TPO: variants seen among roughly 807,000 people sequenced by gnomAD.
TPO encodes the protein thyroid microsomal antigen.
In TPO, 78 loss-of-function variants were observed where a neutral mutation model predicts 96.9. The ratio of observed to expected loss-of-function variants is 0.81; its 90% CI spans 0.67 to 0.97. The LOEUF (loss-of-function observed/expected upper bound fraction) is 0.97. TPO is among the 50% of genes least tolerant of loss of function. The pLI, the probability that TPO is intolerant of heterozygous loss-of-function variation, is 0.00. For synonymous variants in TPO, 547 were observed against 538.0 expected (o/e 1.02, Z -0.23); for missense variants, 1,252 against 1,274.8 (o/e 0.98, Z 0.27).
At chr2:1,444,484 A>G (rs1666558952) in intron 5 of TPO, among the ~76,000 whole-genome samples, 2 of 118,654 alleles carry the variant, frequency 1.7e-5, no homozygotes, top group Non-Finnish European at 3.5e-5. Flanking sequence ...TGCAGGAGGT[A>G]CTGTGTTGGA....
At chr2:1,510,159 A>G (rs1279964791) in intron 14 of TPO, among the ~76,000 whole-genome samples, 2 of 150,662 alleles carry the variant, frequency 1.3e-5, no homozygotes, top group East Asian at 2.0e-4. Context: ...CAGCTCTTGC[A>G]TTCAGATTTT....
At chr2:1,434,236 A>T (rs1226355237) in intron 4 of TPO, among the ~76,000 whole-genome samples, 3 of 152,242 alleles carry the variant, frequency 2.0e-5, no homozygotes, top group African/African-American at 7.2e-5. Context: ...GCTTCCTATG[A>T]TGCAGAGCAA....
At chr2:1,526,708 AC>A (rs1361833087) in intron 15 of TPO, among the ~76,000 whole-genome samples, 1 of 50,810 alleles carries the variant, frequency 2.0e-5, no homozygotes, top group Non-Finnish European at 3.6e-5. Context: ...ACTGTATGCA[AC>A]CTCCCCAAAT....
chr2:1,456,312 T>C, intron 7 of TPO, 30 bp downstream of exon 7: 1 of 1,608,296 alleles, frequency 6.2e-7, no homozygotes, highest in Non-Finnish European at 8.5e-7. Flanking sequence ...TCTATGTTTG[T>C]TATGAAACTA....
At chr2:1,408,295 A>G (rs1392248230) in intron 1 of TPO, among the ~76,000 whole-genome samples, 1 of 152,216 alleles carries the variant, frequency 6.6e-6, no homozygotes, top group African/African-American at 2.4e-5. Flanking sequence ...CAGAGCTCTC[A>G]GGTCACTACT....
chr2:1,517,588 C>T (rs1674840094), intron 15 of TPO, among the ~76,000 whole-genome samples: 4 of 148,138 alleles, frequency 2.7e-5, no homozygotes, highest in South Asian at 2.3e-4. Flanking sequence ...TGCTGCCTCT[C>T]ACCTTGCTGC....
rs1180772602 is a variant in TPO, at chr2:1,423,135, C to T, written c.179+6C>T. 6.2e-7 allele frequency: 1 copy of T among 1,613,214 alleles called. No homozygotes were observed. Among genetic ancestry groups the T allele is most frequent in the East Asian group, 2.2e-5 (1 of 44,894 alleles). On this transcript the variant is annotated splice_donor_region_variant and intron_variant, in intron 3 of 16. Transcript: ENST00000329066. ...ATGTACGCCACGATGCAGAGGTGAG[C>T]CTTGCGGAGGGGCCGCCGCCCCAAA...
At chr2:1,391,026 T>C (rs891063650) in intron 1 of TPO, among the ~76,000 whole-genome samples, 1 of 152,204 alleles carries the variant, frequency 6.6e-6, no homozygotes, top group Non-Finnish European at 1.5e-5. Flanking sequence ...CAGAAGCTCT[T>C]TAGTTTAATT....
intron 5 of TPO, among the ~76,000 whole-genome samples, chr2:1,443,733 T>C (rs1222727785): frequency 1.1e-5 from 1 of 93,802 alleles, no homozygotes; most frequent in Non-Finnish European, 2.1e-5. Flanking sequence ...GATCCAGTCA[T>C]TGCTGCGGGA....
At chr2:1,509,637 C>T (rs1558383430) in intron 14 of TPO, among the ~76,000 whole-genome samples, 4 of 150,074 alleles carry the variant, frequency 2.7e-5, no homozygotes, top group Non-Finnish European at 1.5e-5. Context: ...ACACCCCACC[C>T]TCTTCTTTCA....
rs1371366709 is a variant in TPO at position 1,531,788 on chromosome 2, C to A, written c.2619-8806C>A. 6.7e-5 allele frequency among the ~76,000 whole-genome samples: 3 copies of A among 44,912 alleles called. No individual in the cohort carries two copies. The East Asian group carries it at 2.4e-3, about 36-fold the overall frequency. 29.5% of individuals were successfully genotyped at this position (44,912 alleles called of 152,430 possible). On this transcript the variant is annotated intron_variant, in intron 15 of 16. Coordinates refer to ENST00000329066, the MANE Select transcript of TPO (RefSeq NM_001206744.2). ...CCCAAATCACCCCCACTCTCTGCAA[C>A]CTCCCCAAATCACCCCCACTCTCTG... is the stretch of plus-strand genomic sequence containing the variant.
Position 1,496,772 on chromosome 2 carries a change from C to G in TPO, c.2386+7C>G. Reference sequence around the variant, plus strand: ...CAGCCTCCCCTCTGCAAAGGTCAGTCCTTTCTTCAATGACAATTACAAAAC... The same window carrying G: ...CAGCCTCCCCTCTGCAAAGGTCAGTGCTTTCTTCAATGACAATTACAAAAC... On this transcript the variant is annotated splice_region_variant and intron_variant, in intron 13 of 16. Coordinates refer to ENST00000329066, the MANE Select transcript of TPO (RefSeq NM_001206744.2). 2.5e-6 allele frequency: 4 copies of G among 1,614,114 alleles called. No homozygotes were observed. Among genetic ancestry groups the G allele is most frequent in the African/African-American group, 2.7e-5 (2 of 75,044 alleles).
intron 15 of TPO, among the ~76,000 whole-genome samples, chr2:1,534,785 CACT>C: frequency 6.6e-6 from 1 of 150,670 alleles, no homozygotes; most frequent in Non-Finnish European, 1.5e-5. Flanking sequence ...CAAATATCCC[CACT>C]GTGGGTAACC....
At chr2:1,525,891 A>AAACTGTGTGCAACCTCCTCAAATCCCCG (rs1676342254) in intron 15 of TPO, among the ~76,000 whole-genome samples, 1 of 86,728 alleles carries the variant, frequency 1.2e-5, no homozygotes. Flanking sequence ...TCAAATCCCA[A>AAACTGTGTGCAACCTCCTCAAATCCCCG]TACTGTGTGC....
chr2:1,395,629 C>T (rs1408435246), intron 1 of TPO, among the ~76,000 whole-genome samples: 1 of 152,210 alleles, frequency 6.6e-6, no homozygotes, highest in Non-Finnish European at 1.5e-5. Flanking sequence ...TCCCCACCCA[C>T]ATTTCATCTT....
intron 5 of TPO, among the ~76,000 whole-genome samples, chr2:1,439,791 C>G (rs1229281082): frequency 6.6e-6 from 1 of 152,142 alleles, no homozygotes; most frequent in African/African-American, 2.4e-5. Context: ...CCATCCTCCC[C>G]ATCTGGGTGG....
intron 14 of TPO, chr2:1,513,663 A>C (rs931195766): frequency 4.6e-5 from 7 of 152,264 alleles, no homozygotes; most frequent in African/African-American, 1.7e-4. Context: ...TTGTAGATGT[A>C]GTTACGTAGA....
rs1179073887 is a variant in TPO, at chr2:1,487,990, A to G, written c.1767A>G (p.Pro589=). The G allele has an allele frequency of 5.6e-6, 9 of 1,612,694 alleles. No homozygotes were observed. Among genetic ancestry groups the G allele is most frequent in the African/African-American group, 1.3e-5 (1 of 74,896 alleles). The part of the protein sequence containing the change: ...NLQRGRDHGL[P]GYNEWREFCG... ...AGAGGGGCCGGGACCACGGGCTGCCAGGTCTGCCAGTTCCTTCCCTTGCAC... is the reference window on the plus strand; with the variant it reads ...AGAGGGGCCGGGACCACGGGCTGCCGGGTCTGCCAGTTCCTTCCCTTGCAC... The change falls in exon 10 of 17, where the codon CCA becomes CCG. Residue 589 remains proline (P), a splice_region_variant and synonymous_variant. Transcript: ENST00000329066.
chr2:1,519,035 G>GC, intron 15 of TPO, among the ~76,000 whole-genome samples: 1 of 152,306 alleles, frequency 6.6e-6, no homozygotes, highest in African/African-American at 2.4e-5. Flanking sequence ...CATCTTGACG[G>GC]GAAGGCAGAG....
Sources: gnomAD v4.1 joint callset for allele counts (sites outside exome capture counted in the v4.1 genomes callset) on GRCh38, gnomAD v4.1.1 for gene constraint, MANE v1.5 for transcripts, NCBI Gene and HGNC (gene_info 2026-07-23, HGNC 2026-07-21) for gene names.